Variants in PHLPP1 observed in about 807,000 individuals in gnomAD.
The protein encoded by PHLPP1 is PH domain and leucine rich repeat protein phosphatase 1, also known as PH domain leucine-rich repeat-containing protein phosphatase 1.
PHLPP1 carries 42 observed loss-of-function variants against 117.2 expected under a neutral mutation model. The observed-to-expected ratio is 0.36, with a 90% CI of 0.28 to 0.46. The LOEUF (loss-of-function observed/expected upper bound fraction) is 0.46. Among genes scored for constraint, PHLPP1 ranks in the 20% least tolerant of loss-of-function variants. PHLPP1 has a pLI of 1.00. For missense variants in PHLPP1, 2,084 were observed against 2,241.9 expected (o/e 0.93, Z 1.42); for synonymous variants, 1,042 against 970.7 (o/e 1.07, Z -1.37).
intron 1 of PHLPP1, among the ~76,000 whole-genome samples, chr18:62,815,231 C>T (rs1016537095): frequency 2.0e-5 from 3 of 150,464 alleles, no homozygotes; most frequent in African/African-American, 7.4e-5. Context: ...GATCTCTGCT[C>T]ACTGCAAGCT....
At chr18:62,800,006 C>T (rs747906050) in intron 1 of PHLPP1, among the ~76,000 whole-genome samples, 3 of 152,142 alleles carry the variant, frequency 2.0e-5, no homozygotes, top group Non-Finnish European at 4.4e-5. Flanking sequence ...TATTAACCCA[C>T]ACCCCAAAGG....
Position 62,766,060 on chromosome 18 carries a change from C to CAAAAAAA in PHLPP1, c.1576+48812_1576+48818dup, listed in dbSNP as rs1168861892. Among the ~76,000 whole-genome samples, 106 of 15,210 alleles carry CAAAAAAA rather than the reference C, an allele frequency of 7.0e-3. 14 individuals are homozygous for CAAAAAAA. The highest frequency in any genetic ancestry group is 0.01 in the Non-Finnish European group (83 of 8,292). 10.0% of individuals were successfully genotyped at this position (15,210 alleles called of 152,430 possible). ...TGGGCGACAGAGCTAGACTCCATCT[C>CAAAAAAA]AAAAAAAAAAAAAAAAATATATATA... On this transcript the variant is annotated intron_variant, in intron 1 of 16. Transcript: ENST00000262719.
chr18:62,804,376 T>C (rs180781338), intron 1 of PHLPP1, among the ~76,000 whole-genome samples: 1 of 152,158 alleles, frequency 6.6e-6, no homozygotes, highest in African/African-American at 2.4e-5. Context: ...GGGGAAGGTG[T>C]CTAGTTTTTT....
intron 10 of PHLPP1, among the ~76,000 whole-genome samples, chr18:62,929,092 A>G (rs1447751303): frequency 6.6e-6 from 1 of 152,188 alleles, no homozygotes; most frequent in East Asian, 1.9e-4. Flanking sequence ...GAAAAAAACT[A>G]AAAAATCACT....
chr18:62,913,964 T>TC (rs1486499467), intron 8 of PHLPP1, among the ~76,000 whole-genome samples: 1 of 152,066 alleles, frequency 6.6e-6, no homozygotes, highest in Non-Finnish European at 1.5e-5. Flanking sequence ...CAGGCTTGTG[T>TC]CAAACTCCTG....
intron 14 of PHLPP1, among the ~76,000 whole-genome samples, chr18:62,964,246 A>G (rs1196370441): frequency 6.6e-6 from 1 of 152,222 alleles, no homozygotes; most frequent in Non-Finnish European, 1.5e-5. Flanking sequence ...TAACATTAGT[A>G]TTCAACCCTG....
At chr18:62,890,463 A>G (rs1916379832) in intron 4 of PHLPP1, among the ~76,000 whole-genome samples, 1 of 151,976 alleles carries the variant, frequency 6.6e-6, no homozygotes, top group South Asian at 2.1e-4. Context: ...ATGGGGTCTC[A>G]CCATTTTGGC....
At chr18:62,750,416 C>T (rs1306176984) in intron 1 of PHLPP1, among the ~76,000 whole-genome samples, 1 of 152,114 alleles carries the variant, frequency 6.6e-6, no homozygotes, top group African/African-American at 2.4e-5. Context: ...AATAGGGCAC[C>T]TGCGGACTCC....
chr18:62,833,255 G>A (rs1232030468), intron 2 of PHLPP1, among the ~76,000 whole-genome samples: 1 of 152,114 alleles, frequency 6.6e-6, no homozygotes, highest in Non-Finnish European at 1.5e-5. Flanking sequence ...TGTACTTTTA[G>A]TAGAGACAGG....
At chr18:62,793,275 A>C (rs975586886) in intron 1 of PHLPP1, among the ~76,000 whole-genome samples, 1 of 152,256 alleles carries the variant, frequency 6.6e-6, no homozygotes, top group African/African-American at 2.4e-5. Context: ...AGATATTTGC[A>C]TAGAAAATCC....
In PHLPP1 at chr18:62,874,680, C is replaced by CAT. The variant is rs1568146258; in HGVS notation, c.2066+14080_2066+14081insTA. Among the ~76,000 whole-genome samples, 889 of 151,644 alleles carry CAT rather than the reference C, an allele frequency of 5.9e-3. 13 individuals are homozygous for CAT. The highest frequency in any genetic ancestry group is 0.021 in the African/African-American group (845 of 40,974). On this transcript the variant is annotated intron_variant, in intron 4 of 16. Transcript: ENST00000262719. ...GCGCACACACACACACACACACACACACACACACACACTCTCGCTCTCTGT... is the reference window on the plus strand; with the variant it reads ...GCGCACACACACACACACACACACACATACACACACACACTCTCGCTCTCTGT...
chr18:62,833,022 ATGT>A (rs1914797081), intron 2 of PHLPP1, among the ~76,000 whole-genome samples: 1 of 152,160 alleles, frequency 6.6e-6, no homozygotes, highest in African/African-American at 2.4e-5. Flanking sequence ...TGCAGTTTTA[ATGT>A]TGTATTTAAC....
intron 4 of PHLPP1, among the ~76,000 whole-genome samples, chr18:62,891,092 T>C (rs1389115458): frequency 6.6e-6 from 1 of 152,214 alleles, no homozygotes; most frequent in Non-Finnish European, 1.5e-5. Context: ...TTTTTCAGTG[T>C]AAGTGTGCCC....
chr18:62,758,674 G>GA (rs1486635015), intron 1 of PHLPP1, among the ~76,000 whole-genome samples: 1 of 152,114 alleles, frequency 6.6e-6, no homozygotes, highest in Non-Finnish European at 1.5e-5. Context: ...ATCCATTTCA[G>GA]AAAAAATTTC....
At chr18:62,873,518 A>G (rs955903152) in intron 4 of PHLPP1, among the ~76,000 whole-genome samples, 1 of 152,246 alleles carries the variant, frequency 6.6e-6, no homozygotes, top group Non-Finnish European at 1.5e-5. Context: ...TATCGCTTCC[A>G]TTAATAAAGG....
intron 1 of PHLPP1, among the ~76,000 whole-genome samples, chr18:62,791,794 CTAAT>C (rs1236578275): frequency 7.2e-5 from 11 of 152,064 alleles, no homozygotes; most frequent in East Asian, 1.9e-4. Context: ...ATTAAAATGA[CTAAT>C]TAATCATTGC....
intron 3 of PHLPP1, chr18:62,842,832 C>T (rs923310556): frequency 4.6e-5 from 7 of 152,158 alleles, no homozygotes; most frequent in Non-Finnish European, 8.8e-5. Flanking sequence ...TGAAGGAACT[C>T]CCTGTTTGGG....
At chr18:62,800,618 A>T (rs915133279) in intron 1 of PHLPP1, among the ~76,000 whole-genome samples, 12 of 151,642 alleles carry the variant, frequency 7.9e-5, no homozygotes, top group African/African-American at 2.9e-4. Flanking sequence ...GGGGGAGCAT[A>T]TGAAAAGAAG....
intron 14 of PHLPP1, among the ~76,000 whole-genome samples, chr18:62,967,751 A>G (rs1033327692): frequency 1.3e-5 from 2 of 150,838 alleles, no homozygotes; most frequent in Non-Finnish European, 2.9e-5. Flanking sequence ...GTTTAATTAC[A>G]TTGATTGATT....
Sources: allele counts gnomAD v4.1 joint callset (sites outside exome capture counted in the v4.1 genomes callset), GRCh38; gene constraint gnomAD v4.1.1; transcripts MANE v1.5; gene names NCBI Gene and HGNC (gene_info 2026-07-23, HGNC 2026-07-21).